The following ACSM5 variants were observed in gnomAD, a reference collection of about 807,000 sequenced individuals.
ACSM5 encodes acyl-coenzyme A synthetase ACSM5, mitochondrial.
ACSM5 carries 56 observed loss-of-function variants against 71.6 expected under a neutral mutation model. That is an observed-to-expected ratio of 0.78 (90% CI 0.63 to 0.98). ACSM5 has a LOEUF of 0.98. Among genes scored for constraint, ACSM5 ranks in the 50% least tolerant of loss-of-function variants. The probability of loss-of-function intolerance (pLI) is 0.00; values close to 1 mark genes in which losing one functional copy is unlikely to be tolerated. For synonymous variants in ACSM5, 285 were observed against 281.5 expected (o/e 1.01, Z -0.12); for missense variants, 723 against 726.0 (o/e 1.00, Z 0.05).
At position 20,419,446 on chromosome 16, in the gene ACSM5, G is replaced by A. The variant is rs4072768; in HGVS notation, c.623+11G>A. The A allele has an allele frequency of 2.7e-3, 4,326 of 1,613,288 alleles. 95 individuals are homozygous for A. The African/African-American group carries it at 0.05, about 19-fold the overall frequency. ...CAGGGAACTCCTCCGGTGAATTGGG[G>A]CTCTCCAGAACAGCAGAAAAATGAA... On this transcript the variant is annotated intron_variant, in intron 4 of 13. Transcript: ENST00000331849.
chr16:20,437,152 G>T lies in ACSM5; in HGVS notation c.1409G>T (p.Arg470Ile). ...GATGGCTACTTTTGGTTCATGGGAA[G>T]AAACGACGATGTGATCAATTCTTCA... Reference protein sequence around the residue: ...DKDGYFWFMGRNDDVINSSSY... With the variant: ...DKDGYFWFMGINDDVINSSSY... Residue 470 changes from arginine to isoleucine, a missense_variant, in exon 11 of 14, where the codon AGA becomes ATA. Physicochemically the swap from Arg to Ile is moderately conservative, Grantham distance 97 (BLOSUM62 -3). Transcript: ENST00000331849. 3 of 1,614,214 alleles carry T rather than the reference G, an allele frequency of 1.9e-6. No homozygotes were observed. The highest frequency in any genetic ancestry group is 2.5e-6 in the Non-Finnish European group (3 of 1,180,032).
chr16:20,437,025 C>T (rs1212471137), intron 10 of ACSM5, 27 bp from the exon 11 acceptor site: 1 of 1,613,480 alleles, frequency 6.2e-7, no homozygotes, highest in Admixed American at 1.7e-5. Flanking sequence ...CCCAGAGGGT[C>T]CTTCACGGGT....
chr16:20,440,522 C>T lies in ACSM5; in HGVS notation c.*95C>T. On this transcript the variant is annotated 3_prime_UTR_variant, in exon 14 of 14. Transcript: ENST00000331849. Reference sequence around the variant, plus strand: ...CCCATGGGGAGCATCATCTCTTCGACCCTAAAGATGTCAAAGGTGTGCAGC... The same window carrying T: ...CCCATGGGGAGCATCATCTCTTCGATCCTAAAGATGTCAAAGGTGTGCAGC... 1 of 1,151,704 alleles carries T rather than the reference C, an allele frequency of 8.7e-7. No individual in the cohort carries two copies. 71.3% of individuals were successfully genotyped at this position (1,151,704 alleles called of 1,614,324 possible). A position where few individuals can be genotyped will look rare whatever the true frequency, so the allele number is the denominator to read the frequency against.
chr16:20,440,061 T>C, intron 13 of ACSM5, 142 bp downstream of exon 13: 1 of 1,153,622 alleles, frequency 8.7e-7, no homozygotes, highest in Non-Finnish European at 1.2e-6. Flanking sequence ...TTCAGCTTTT[T>C]TCTGTATTTC....
At chr16:20,427,019 G>A (rs569905999) in intron 6 of ACSM5, among the ~76,000 whole-genome samples, 72 of 149,452 alleles carry the variant, frequency 4.8e-4, no homozygotes, top group African/African-American at 1.6e-3. Context: ...AAGTTCACTG[G>A]TGGCCGGGCA....
chr16:20,422,578 T>C (rs940265808), intron 5 of ACSM5, among the ~76,000 whole-genome samples: 7 of 152,232 alleles, frequency 4.6e-5, no homozygotes, highest in Non-Finnish European at 1.5e-5. Context: ...TGCTGGATCA[T>C]ATGGTAATTC....
rs186015014 is a variant in ACSM5 at position 20,409,606 on chromosome 16, G to A, written c.-75G>A. On this transcript the variant is annotated 5_prime_UTR_variant, in exon 1 of 14. Transcript: ENST00000331849. ...TGAGTGTTTACAGCCACTCAGCCCT[G>A]CTCTGCTCAGCTGAAGCAGAAAACA... 6.6e-6 allele frequency: 1 copy of A among 152,158 alleles called. No homozygotes were observed. The highest frequency in any genetic ancestry group is 6.6e-5 in the Admixed American group (1 of 15,264). The allele number at this position is 152,158 out of a possible 1,614,324, so 9.4% of individuals were successfully genotyped here.
intron 12 of ACSM5, among the ~76,000 whole-genome samples, chr16:20,438,822 G>A (rs561734886): frequency 3.3e-5 from 5 of 151,222 alleles, no homozygotes; most frequent in Admixed American, 6.6e-5. Flanking sequence ...AGGCGTGGCG[G>A]TGGGCGCCTA....
intron 6 of ACSM5, among the ~76,000 whole-genome samples, chr16:20,427,409 C>T (rs1165537899): frequency 6.6e-6 from 1 of 152,162 alleles, no homozygotes; most frequent in African/African-American, 2.4e-5. Flanking sequence ...TGCACCTGTC[C>T]GTAGGATGGC....
intron 10 of ACSM5, among the ~76,000 whole-genome samples, chr16:20,436,227 C>T (rs1298047908): frequency 7.0e-6 from 1 of 143,478 alleles, no homozygotes; most frequent in Admixed American, 7.0e-5. Flanking sequence ...CTCTTCCCTT[C>T]CCTTCCCTCC....
At chr16:20,428,642 C>T (rs953430512) in intron 7 of ACSM5, among the ~76,000 whole-genome samples, 12 of 152,214 alleles carry the variant, frequency 7.9e-5, no homozygotes, top group African/African-American at 2.9e-4. Context: ...GGAGTTCTTA[C>T]ATGCTTCTAA....
chr16:20,418,466 T>C (rs573253064), intron 3 of ACSM5, among the ~76,000 whole-genome samples, 197 bp downstream of exon 3: 1 of 152,184 alleles, frequency 6.6e-6, no homozygotes, highest in Non-Finnish European at 1.5e-5. Flanking sequence ...AGCAGGCCAG[T>C]GCAAGGCAGT....
intron 2 of ACSM5, among the ~76,000 whole-genome samples, chr16:20,416,407 T>C (rs976064574): frequency 1.3e-5 from 2 of 151,890 alleles, no homozygotes; most frequent in African/African-American, 4.8e-5. Context: ...GAATTCAGAG[T>C]CTAGAAATAA....
Position 20,423,958 on chromosome 16 carries a change from G to A in ACSM5, c.810G>A (p.Thr270=), listed in dbSNP as rs757832333. ...ALTESDIFWN[T]TDTGWVKAAW... is the part of the protein sequence containing the mutation. ...CCGAATCTGACATCTTCTGGAACAC[G>A]ACTGACACTGGCTGGGTGAAGGCAG... Residue 270 remains threonine, a synonymous_variant, in exon 6 of 14, where the codon ACG becomes ACA. Coordinates refer to ENST00000331849, the MANE Select transcript of ACSM5 (RefSeq NM_017888.3). 3 of 1,614,152 alleles carry A rather than the reference G, an allele frequency of 1.9e-6. No homozygotes were observed. The highest frequency in any genetic ancestry group is 2.5e-6 in the Non-Finnish European group (3 of 1,180,010).
At chr16:20,424,829 A>G (rs1477245015) in intron 6 of ACSM5, among the ~76,000 whole-genome samples, 1 of 152,240 alleles carries the variant, frequency 6.6e-6, no homozygotes, top group African/African-American at 2.4e-5. Context: ...GGGCCAGCAC[A>G]TCATAGGTTC....
intron 2 of ACSM5, among the ~76,000 whole-genome samples, chr16:20,412,862 A>G (rs1468514444): frequency 6.6e-6 from 1 of 152,260 alleles, no homozygotes; most frequent in Non-Finnish European, 1.5e-5. Context: ...TAAAGAAAAA[A>G]TATGAAGTAA....
rs1470241884 is a variant in ACSM5 at position 20,421,648 on chromosome 16, TATATATATAC to T, written c.767+249_767+258del. The stretch of plus-strand genomic sequence containing the variant: ...ATATATATATATATATATATATATA[TATATATATAC>T]ACACACACATATATATACATACATA... On this transcript the variant is annotated intron_variant, in intron 5 of 13. Coordinates refer to ENST00000331849, the MANE Select transcript of ACSM5 (RefSeq NM_017888.3). Among the ~76,000 whole-genome samples, 190 of 127,108 alleles carry T rather than the reference TATATATATAC, an allele frequency of 1.5e-3. 3 individuals are homozygous for T. The highest frequency in any genetic ancestry group is 5.4e-3 in the African/African-American group (176 of 32,470). The allele number at this position is 127,108 out of a possible 152,430, so 83.4% of individuals were successfully genotyped here. A position where few individuals can be genotyped will look rare whatever the true frequency, so the allele number is the denominator to read the frequency against.
chr16:20,432,872 T>TTTTTTTTTTTTG (rs1232401379), intron 10 of ACSM5, among the ~76,000 whole-genome samples: 3 of 145,032 alleles, frequency 2.1e-5, no homozygotes, highest in Non-Finnish European at 3.0e-5. Context: ...TTTTTTTTTT[T>TTTTTTTTTTTTG]TGTGACAGTG....
intron 2 of ACSM5, among the ~76,000 whole-genome samples, chr16:20,414,823 G>A (rs1270166571): frequency 6.6e-6 from 1 of 152,158 alleles, no homozygotes; most frequent in African/African-American, 2.4e-5. Context: ...TTTTGCTAGC[G>A]ACACCTCAAA....
Sources: allele counts gnomAD v4.1 joint callset (sites outside exome capture counted in the v4.1 genomes callset), GRCh38; gene constraint gnomAD v4.1.1; transcripts MANE v1.5; gene names NCBI Gene and HGNC (gene_info 2026-07-23, HGNC 2026-07-21).